Variants in NMNAT1 observed in about 807,000 individuals in gnomAD.
The protein encoded by NMNAT1 is nicotinamide nucleotide adenylyltransferase 1, also known as nicotinamide/nicotinic acid mononucleotide adenylyltransferase 1.
NMNAT1 carries 11 observed loss-of-function variants against 16.7 expected under a neutral mutation model. That is an observed-to-expected ratio of 0.66 (90% CI 0.41 to 1.09). The LOEUF (loss-of-function observed/expected upper bound fraction) is 1.09. Ranked by LOEUF, NMNAT1 falls within the 50% of genes least tolerant of loss-of-function variation. The pLI is 0.00. For missense variants in NMNAT1, 280 were observed against 332.3 expected (o/e 0.84, Z 1.22); for synonymous variants, 110 against 119.8 (o/e 0.92, Z 0.53).
At chr1:9,953,278 CT>C (rs35129856) in intron 1 of NMNAT1, among the ~76,000 whole-genome samples, 10,469 of 122,608 alleles carry the variant, frequency 0.085, 481 homozygotes, top group African/African-American at 0.18. Context: ...TGTGCGCGGG[CT>C]TTTTTTTTTT....
intron 1 of NMNAT1, among the ~76,000 whole-genome samples, chr1:9,945,425 G>T (rs946791451): frequency 3.3e-5 from 5 of 152,292 alleles, no homozygotes; most frequent in Middle Eastern, 3.4e-3. Flanking sequence ...TTTGAGCTGG[G>T]TGTAGTGGCT....
chr1:9,994,036 A>G, the NMNAT1 span, among the ~76,000 whole-genome samples: 1 of 151,746 alleles, frequency 6.6e-6, no homozygotes, highest in Non-Finnish European at 1.5e-5. Context: ...AGTTAATAAA[A>G]TAACTATTGG....
chr1:9,982,152 C>T (rs961514901), intron 4 of NMNAT1, 149 bp from the exon 5 acceptor site: 71 of 1,032,106 alleles, frequency 6.9e-5, no homozygotes, highest in Non-Finnish European at 8.7e-5. Context: ...CTAGAGCCAC[C>T]GCACTCGGCC....
chr1:9,953,554 C>T (rs1215688506), intron 1 of NMNAT1, among the ~76,000 whole-genome samples: 1 of 151,858 alleles, frequency 6.6e-6, no homozygotes, highest in Non-Finnish European at 1.5e-5. Context: ...GATTCTCCTG[C>T]CTCAGCCTCC....
intron 1 of NMNAT1, among the ~76,000 whole-genome samples, chr1:9,963,770 G>T (rs950021514): frequency 6.6e-6 from 1 of 152,030 alleles, no homozygotes; most frequent in Non-Finnish European, 1.5e-5. Context: ...AATATCCAAA[G>T]GTCGAAGATT....
rs1642010683 is a variant in NMNAT1, at chr1:9,984,354, A to G, written c.*1653A>G. 1.3e-5 allele frequency: 2 copies of G among 152,068 alleles called. No individual in the cohort carries two copies. The highest frequency in any genetic ancestry group is 2.9e-5 in the Non-Finnish European group (2 of 68,036). The allele number at this position is 152,068 out of a possible 1,614,324, so 9.4% of individuals were successfully genotyped here. A position where few individuals can be genotyped will look rare whatever the true frequency, so the allele number is the denominator to read the frequency against. ...GAGCCACTGCACCCAGCCTGATCCT[A>G]TTGTTGCACTATTTATGGAGCAACA... On this transcript the variant is annotated 3_prime_UTR_variant, in exon 5 of 5. Transcript: ENST00000377205.
intron 1 of NMNAT1, among the ~76,000 whole-genome samples, chr1:9,954,929 C>CAA (rs70998330): frequency 2.2e-5 from 3 of 138,362 alleles, no homozygotes; most frequent in East Asian, 2.1e-4. Context: ...GACTCCATCT[C>CAA]AAAAAAAAAA....
At chr1:9,945,465 C>T (rs1009452768) in intron 1 of NMNAT1, among the ~76,000 whole-genome samples, 14 of 152,064 alleles carry the variant, frequency 9.2e-5, no homozygotes, top group African/African-American at 3.4e-4. Context: ...CTTTGGGAAG[C>T]CGAGGTGGGC....
At chr1:9,955,419 A>AAAG (rs1229083639) in intron 1 of NMNAT1, among the ~76,000 whole-genome samples, 51 of 150,700 alleles carry the variant, frequency 3.4e-4, no homozygotes, top group Non-Finnish European at 5.8e-4. Flanking sequence ...AAAAAAAAAA[A>AAAG]AAAGAAAGAA....
chr1:9,974,732 C>T (rs1641767858), intron 2 of NMNAT1, among the ~76,000 whole-genome samples: 2 of 151,988 alleles, frequency 1.3e-5, no homozygotes, highest in East Asian at 1.9e-4. Context: ...CTGTTTTGCC[C>T]ATGTTGGTGT....
At chr1:9,967,650 G>A (rs373588021) in intron 1 of NMNAT1, among the ~76,000 whole-genome samples, 90 of 151,872 alleles carry the variant, frequency 5.9e-4, no homozygotes, top group African/African-American at 1.9e-3. Context: ...TAAACCATTT[G>A]AAATTGATGT....
chr1:9,995,029 T>C, the NMNAT1 span, among the ~76,000 whole-genome samples: 1 of 151,896 alleles, frequency 6.6e-6, no homozygotes, highest in African/African-American at 2.4e-5. Context: ...ATTACAGGTG[T>C]GAGCTACCAT....
chr1:9,976,762 C>A (rs568163098), intron 3 of NMNAT1, among the ~76,000 whole-genome samples: 8 of 148,918 alleles, frequency 5.4e-5, no homozygotes, highest in African/African-American at 2.0e-4. Context: ...GTAGCTGGGA[C>A]TACAGGTGAC....
At chr1:9,950,909 C>T (rs571416785) in intron 1 of NMNAT1, among the ~76,000 whole-genome samples, 3 of 151,942 alleles carry the variant, frequency 2.0e-5, no homozygotes, top group South Asian at 4.2e-4. Context: ...GCCAACATGG[C>T]GAAACCCCAT....
chr1:9,955,101 A>G lies in NMNAT1; in HGVS notation c.-57+11586A>G, dbSNP rs1488750130. Reference sequence around the variant, plus strand: ...GGACTTTGAGACCAGCCTGACCAACATGGTGAAACCCCATCTCTAAGCTGG... The same window carrying G: ...GGACTTTGAGACCAGCCTGACCAACGTGGTGAAACCCCATCTCTAAGCTGG... On this transcript the variant is annotated intron_variant, in intron 1 of 4. Coordinates refer to ENST00000377205, the MANE Select transcript of NMNAT1 (RefSeq NM_022787.4). Among the ~76,000 whole-genome samples, 3 of 151,426 alleles carry G rather than the reference A, an allele frequency of 2.0e-5. No individual in the cohort carries two copies. The East Asian group carries it at 5.9e-4, about 30-fold the overall frequency.
chr1:9,945,378 A>G (rs1299784322), intron 1 of NMNAT1, among the ~76,000 whole-genome samples: 1 of 152,210 alleles, frequency 6.6e-6, no homozygotes, highest in Non-Finnish European at 1.5e-5. Context: ...TCAGTGCCAT[A>G]CAAAACAAAA....
intron 3 of NMNAT1, among the ~76,000 whole-genome samples, chr1:9,979,374 T>C (rs1198104240): frequency 1.3e-5 from 2 of 151,810 alleles, no homozygotes; most frequent in Non-Finnish European, 2.9e-5. Context: ...GCTGAGGCGG[T>C]AGGATCACTT....
At chr1:9,955,179 G>A (rs1322257795) in intron 1 of NMNAT1, among the ~76,000 whole-genome samples, 1 of 151,772 alleles carries the variant, frequency 6.6e-6, no homozygotes, top group South Asian at 2.1e-4. Context: ...GAGGCTGGTG[G>A]ATCACCTGAG....
rs1008556682 is a variant in NMNAT1, at chr1:9,965,104, G to T, written c.-56-6914G>T. ...GAGGCCGAGGCGGGTGGATCACCAG[G>T]TCAAGAGATCAAGACCATCCTGGCG... On this transcript the variant is annotated intron_variant, in intron 1 of 4. Transcript: ENST00000377205. Among the ~76,000 whole-genome samples, 6 of 151,904 alleles carry T rather than the reference G, an allele frequency of 3.9e-5. No individual in the cohort carries two copies. In the East Asian group the frequency reaches 1.2e-3, roughly 30 times the overall value.
Sources: allele counts gnomAD v4.1 joint callset (sites outside exome capture counted in the v4.1 genomes callset), GRCh38; gene constraint gnomAD v4.1.1; transcripts MANE v1.5; gene names NCBI Gene and HGNC (gene_info 2026-07-23, HGNC 2026-07-21).